Variants in ABCB5 observed in about 807,000 individuals in gnomAD.
ABCB5 encodes the protein ATP-binding cassette sub-family B member 5.
In ABCB5, 155 loss-of-function variants were observed where a neutral mutation model predicts 144.2. The ratio of observed to expected loss-of-function variants is 1.08; its 90% CI spans 0.94 to 1.23. ABCB5 has a LOEUF of 1.23. Among genes scored for constraint, ABCB5 ranks in the 50% most tolerant of loss-of-function variants. The probability of loss-of-function intolerance (pLI) is 0.00; values close to 1 mark genes in which losing one functional copy is unlikely to be tolerated. For missense variants in ABCB5, 1,830 were observed against 1,520.8 expected (o/e 1.20, Z -3.38); for synonymous variants, 610 against 528.6 (o/e 1.15, Z -2.11).
At chr7:20,643,717 C>G (rs967078556) in intron 7 of ABCB5, 85 bp downstream of exon 7, 2 of 1,463,076 alleles carry the variant, frequency 1.4e-6, no homozygotes, top group African/African-American at 2.8e-5. Context: ...AATGGCTTTT[C>G]TATTCACTTG....
chr7:20,631,315 G>A (rs1370503708), intron 4 of ABCB5, among the ~76,000 whole-genome samples: 1 of 152,058 alleles, frequency 6.6e-6, no homozygotes, highest in East Asian at 1.9e-4. Flanking sequence ...AATAGAATAA[G>A]GGAGAAATGA....
intron 5 of ABCB5, among the ~76,000 whole-genome samples, chr7:20,638,841 G>T (rs1450126128): frequency 7.9e-5 from 12 of 152,164 alleles, no homozygotes; most frequent in Non-Finnish European, 1.8e-4. Context: ...ACTTCTTTGT[G>T]TGAACATACG....
intron 20 of ABCB5, among the ~76,000 whole-genome samples, chr7:20,710,265 G>C (rs4719625): frequency 0.63 from 88,308 of 140,906 alleles, 29,559 homozygotes; most frequent in East Asian, 0.93. Context: ...TACTCGGGAG[G>C]CTGAGGCAGG....
intron 4 of ABCB5, among the ~76,000 whole-genome samples, chr7:20,630,203 C>T (rs1183563727): frequency 6.6e-6 from 1 of 151,922 alleles, no homozygotes; most frequent in Non-Finnish European, 1.5e-5. Flanking sequence ...CCCCAAATTC[C>T]ACACTGGAAG....
At chr7:20,647,839 A>G in intron 10 of ABCB5, 129 bp from the exon 11 acceptor site, 1 of 1,094,484 alleles carries the variant, frequency 9.1e-7, no homozygotes, top group East Asian at 2.6e-5. Context: ...CTTCATGTCT[A>G]ACTCAATGCA....
At chr7:20,740,777 T>C (rs1192316789) in intron 24 of ABCB5, among the ~76,000 whole-genome samples, 1 of 152,140 alleles carries the variant, frequency 6.6e-6, no homozygotes, top group Admixed American at 6.6e-5. Context: ...TTATTTAGTA[T>C]GTAAATGTTT....
Position 20,643,255 on chromosome 7 carries a change from T to G in ABCB5, c.386T>G (p.Ile129Ser). 1 of 1,613,798 alleles carries G rather than the reference T, an allele frequency of 6.2e-7. No homozygotes were observed. The highest frequency in any genetic ancestry group is 8.5e-7 in the Non-Finnish European group (1 of 1,179,782). Reference sequence around the variant, plus strand: ...GGTTACATACAGATTTCCTTGTGGATTATAACTGCAGCACGACAGACCAAG... The same window carrying G: ...GGTTACATACAGATTTCCTTGTGGAGTATAACTGCAGCACGACAGACCAAG... The part of the protein sequence containing the change: ...IFGYIQISLW[I>S]ITAARQTKRI... The change falls in exon 6 of 28, where the codon ATT becomes AGT. Residue 129 changes from isoleucine to serine, a missense_variant. By Grantham distance (142) the Ile-to-Ser change is moderately radical (BLOSUM62 -2). Coordinates refer to ENST00000404938, the MANE Select transcript of ABCB5 (RefSeq NM_001163941.2).
At chr7:20,751,205 C>T (rs1454267216) in intron 26 of ABCB5, among the ~76,000 whole-genome samples, 1 of 152,070 alleles carries the variant, frequency 6.6e-6, no homozygotes, top group Admixed American at 6.6e-5. Flanking sequence ...CCAGTGATTG[C>T]CAGAAAATGG....
chr7:20,743,220 C>A, intron 25 of ABCB5, 146 bp downstream of exon 25: 1 of 809,178 alleles, frequency 1.2e-6, no homozygotes, highest in Non-Finnish European at 1.9e-6. Flanking sequence ...CAACCCTTAA[C>A]TAAGAGGACA....
At chr7:20,640,209 T>C (rs992333582) in intron 5 of ABCB5, among the ~76,000 whole-genome samples, 2 of 152,208 alleles carry the variant, frequency 1.3e-5, no homozygotes, top group East Asian at 1.9e-4. Flanking sequence ...TTTATGATAG[T>C]TAATGTTCTA....
rs1375795879 is a variant in ABCB5, at chr7:20,649,894, C to T, written c.1207-128C>T. On this transcript the variant is annotated intron_variant, in intron 11 of 27. Transcript: ENST00000404938. The stretch of plus-strand genomic sequence containing the variant: ...TTACTACACATGTACATGAAACAAA[C>T]ATAACAAGATCTAAATTTGTTTTTA... 11 of 1,020,326 alleles carry T rather than the reference C, an allele frequency of 1.1e-5. No homozygotes were observed. The African/African-American group carries it at 1.5e-4, about 14-fold the overall frequency. 63.2% of individuals were successfully genotyped at this position (1,020,326 alleles called of 1,614,324 possible). A position where few individuals can be genotyped will look rare whatever the true frequency, so the allele number is the denominator to read the frequency against.
intron 14 of ABCB5, chr7:20,659,096 T>G: frequency 6.2e-7 from 1 of 1,614,018 alleles, no homozygotes; most frequent in South Asian, 1.1e-5. Context: ...TTGACCTAAT[T>G]TCACCTCAAG....
intron 1 of ABCB5, among the ~76,000 whole-genome samples, chr7:20,618,539 A>G (rs1029313155): frequency 6.6e-6 from 1 of 152,012 alleles, no homozygotes; most frequent in Non-Finnish European, 1.5e-5. Context: ...CTCGGTAGGT[A>G]GTTTTTCAGC....
intron 5 of ABCB5, among the ~76,000 whole-genome samples, chr7:20,639,206 GTCT>G (rs1784233575): frequency 6.6e-6 from 1 of 152,098 alleles, no homozygotes. Context: ...TGTGCCATTT[GTCT>G]TCTTATTATT....
chr7:20,717,633 T>A (rs1476733082), intron 20 of ABCB5, among the ~76,000 whole-genome samples: 1 of 151,566 alleles, frequency 6.6e-6, no homozygotes, highest in Non-Finnish European at 1.5e-5. Context: ...GAGATGAGGT[T>A]TCACCATGTT....
At chr7:20,728,230 T>C (rs1232421683) in intron 22 of ABCB5, 85 bp from the exon 23 acceptor site, 1 of 1,413,384 alleles carries the variant, frequency 7.1e-7, no homozygotes, top group African/African-American at 1.5e-5. Flanking sequence ...CATTTCAAAG[T>C]CCTCTCTATT....
intron 27 of ABCB5, 62 bp downstream of exon 27, chr7:20,753,568 G>C (rs1782997541): frequency 1.2e-5 from 19 of 1,530,638 alleles, no homozygotes; most frequent in Non-Finnish European, 1.7e-5. Context: ...ATAACATGGA[G>C]GAAACCAAGG....
intron 12 of ABCB5, 46 bp downstream of exon 12, chr7:20,650,193 TG>T: frequency 6.2e-7 from 1 of 1,600,400 alleles, no homozygotes; most frequent in Non-Finnish European, 8.5e-7. Flanking sequence ...TAATGGAATC[TG>T]GAAACACCGC....
intron 14 of ABCB5, among the ~76,000 whole-genome samples, chr7:20,678,085 T>C (rs1785672639): frequency 6.6e-6 from 1 of 152,150 alleles, no homozygotes; most frequent in African/African-American, 2.4e-5. Flanking sequence ...AAAAATATAA[T>C]CCATAGATCC....
Sources: gnomAD v4.1 joint callset for allele counts (sites outside exome capture counted in the v4.1 genomes callset) on GRCh38, gnomAD v4.1.1 for gene constraint, MANE v1.5 for transcripts, NCBI Gene and HGNC (gene_info 2026-07-23, HGNC 2026-07-21) for gene names.